Variants in CIZ1 observed in about 807,000 individuals in gnomAD.
CIZ1 encodes the protein CDKN1A interacting zinc finger protein 1.
Under a neutral mutation model 118.6 loss-of-function variants are expected in CIZ1, and 58 were observed. The ratio of observed to expected loss-of-function variants is 0.49; its 90% CI spans 0.40 to 0.61. The LOEUF is 0.61. CIZ1 is among the 20% of genes least tolerant of loss of function. The probability of loss-of-function intolerance (pLI) is 0.00; values close to 1 mark genes in which losing one functional copy is unlikely to be tolerated. For synonymous variants in CIZ1, 448 were observed against 443.4 expected, an observed-to-expected ratio of 1.01 and a Z score of -0.13; for missense variants, 921 against 1,115.9, an observed-to-expected ratio of 0.83 and a Z score of 2.49.
chr9:128,177,542 C>CAAAA, intron 10 of CIZ1, 24 bp downstream of exon 10: 1 of 1,229,498 alleles, frequency 8.1e-7, no homozygotes, highest in Non-Finnish European at 1.1e-6. Context: ...CACCCCTCCC[C>CAAAA]ACCCTTATCT....
In CIZ1 at chr9:128,173,922, C is replaced by T. The variant is rs1265718749; in HGVS notation, c.1943+2429G>A. On this transcript the variant is annotated intron_variant, in intron 11 of 16. Transcript: ENST00000372938. ...TCGGGAGGCGGAGGCAGGAGAATGG[C>T]GTGAACCCAGGAGGCGGAGCTTGCA... is the stretch of plus-strand genomic sequence containing the variant. Among the ~76,000 whole-genome samples, 8 of 152,054 alleles carry T rather than the reference C, an allele frequency of 5.3e-5. No individual in the cohort carries two copies. The South Asian group carries it at 8.3e-4, about 16-fold the overall frequency.
Position 128,178,377 on chromosome 9 carries a change from T to C in CIZ1, c.1612A>G (p.Met538Val), listed in dbSNP as rs1831137660. The C allele has an allele frequency of 6.2e-7, 1 of 1,612,986 alleles. No individual in the cohort carries two copies. The highest frequency in any genetic ancestry group is 1.3e-5 in the African/African-American group (1 of 75,010). Residue 538 changes from methionine to valine, a missense_variant, in exon 9 of 17, where the codon ATG (methionine) becomes GTG (valine). Physicochemically the swap from Met to Val is conservative, Grantham distance 21 (BLOSUM62 1). Coordinates refer to ENST00000372938, the MANE Select transcript of CIZ1 (RefSeq NM_001131016.2). ...TCAGGGCCTCTACCCACCCCTGGCATCTCTCTCGCTCTGTTTTCACATTCT... is the reference window on the plus strand; with the variant it reads ...TCAGGGCCTCTACCCACCCCTGGCACCTCTCTCGCTCTGTTTTCACATTCT... ...VGECENRARE[M>V]PGVWGAGGSL...
chr9:128,184,482 A>G (rs1832092078), intron 5 of CIZ1, among the ~76,000 whole-genome samples: 1 of 141,210 alleles, frequency 7.1e-6, no homozygotes, highest in Non-Finnish European at 1.5e-5. Context: ...TCTACTGGGC[A>G]GTGCTGATTT....
At position 128,190,734 on chromosome 9, in the gene CIZ1, G is replaced by A; in HGVS notation, c.124C>T (p.Leu42Phe). ...QQQLLQLQQL[L>F]QQSPPQAPLP... ...GGGGCCTGTGGTGGGGACTGCTGGA[G>A]CAGCTGCTGGAGCTGCAGTAACTGC... is the stretch of plus-strand genomic sequence containing the variant. The change falls in exon 2 of 17, where the codon CTC (leucine) becomes TTC (phenylalanine). Residue 42 changes from leucine (L) to phenylalanine (F), a missense_variant. By Grantham distance (22) the Leu-to-Phe change is conservative. Coordinates refer to ENST00000372938, the MANE Select transcript of CIZ1 (RefSeq NM_001131016.2). 6.5e-7 allele frequency: 1 copy of A among 1,549,788 alleles called. No individual in the cohort carries two copies. Among genetic ancestry groups the A allele is most frequent in the South Asian group, 1.2e-5 (1 of 84,278 alleles).
At chr9:128,191,582 C>A (rs940411732), upstream of CIZ1, 14 of 1,142,116 alleles carry the variant, frequency 1.2e-5, no homozygotes, top group Non-Finnish European at 1.4e-5. The surrounding 1 kb of genome is among the most constrained non-coding windows in gnomAD (Gnocchi z 5.5). Flanking sequence ...GGCCCAAATG[C>A]GGGCGGGGCC....
upstream of CIZ1, among the ~76,000 whole-genome samples, chr9:128,192,431 C>T (rs897748970): frequency 1.1e-4 from 17 of 152,104 alleles, no homozygotes; most frequent in Non-Finnish European, 2.2e-4. Flanking sequence ...CTCCCTTATC[C>T]TGCACCTAAA....
chr9:128,180,778 A>C lies in CIZ1; in HGVS notation c.625T>G (p.Ser209Ala). The change falls in exon 6 of 17, where the codon TCA becomes GCA. Residue 209 changes from serine (S) to alanine (A), a missense_variant. Transcript: ENST00000372938. ...SSQTMPVEDK[S>A]DPPEGSEEAA... is the part of the protein sequence containing the mutation. ...TCCTCAGACCCCTCTGGGGGGTCTG[A>C]CTTGTCTTCCACAGGCATTGTCTGA... The C allele has an allele frequency of 6.2e-7, 1 of 1,611,866 alleles. No homozygotes were observed. The highest frequency in any genetic ancestry group is 8.5e-7 in the Non-Finnish European group (1 of 1,179,516).
chr9:128,166,548 G>T lies in CIZ1; in HGVS notation c.2488-142C>A. ...GTGATGCACTCGGCCTCTCTGGGCC[G>T]TCTCTGGAGCTAACAGCCTGGCACT... On this transcript the variant is annotated intron_variant, in intron 16 of 16. Transcript: ENST00000372938. This position sits in a 1 kb window ranked among gnomAD's most constrained non-coding sequence, Gnocchi z 4.4. 1.1e-6 allele frequency: 1 copy of T among 938,626 alleles called. No homozygotes were observed. Among genetic ancestry groups the T allele is most frequent in the Non-Finnish European group, 1.6e-6 (1 of 632,260 alleles). 58.1% of individuals were successfully genotyped at this position (938,626 alleles called of 1,614,324 possible).
chr9:128,168,430 C>T (rs1174386820), intron 14 of CIZ1, among the ~76,000 whole-genome samples: 2 of 151,406 alleles, frequency 1.3e-5, no homozygotes, highest in East Asian at 1.9e-4. Flanking sequence ...GCATGAGAAT[C>T]GCATGAACCC....
chr9:128,201,532 C>A (rs1232103689), intron 1 of CIZ1, among the ~76,000 whole-genome samples: 2 of 152,216 alleles, frequency 1.3e-5, no homozygotes, highest in East Asian at 3.8e-4. Flanking sequence ...ATAAACTGCA[C>A]CCCCTCCTGG....
intron 2 of CIZ1, 57 bp downstream of exon 2, chr9:128,190,631 C>G: frequency 1.3e-6 from 2 of 1,525,704 alleles, no homozygotes; most frequent in Non-Finnish European, 8.8e-7. Flanking sequence ...TCGGGAGCTC[C>G]GAGACATGGG....
Position 128,185,603 on chromosome 9 carries a change from C to T in CIZ1, c.532G>A (p.Gly178Arg), listed in dbSNP as rs1379331602. 1 of 1,540,162 alleles carries T rather than the reference C, an allele frequency of 6.5e-7. No homozygotes were observed. Among genetic ancestry groups the T allele is most frequent in the East Asian group, 2.3e-5 (1 of 43,798 alleles). ...CGGGCCTGTTTCTGGGGGTTCCGTC[C>T]TGAAAGGTTGAACTGGGAAGGGTTC... ...PMNPSQFNLS[G>R]RNPQKQARTS... Residue 178 changes from glycine to arginine, a missense_variant, in exon 5 of 17, where the codon GGA becomes AGA. By Grantham distance (125) the Gly-to-Arg change is moderately radical. Transcript: ENST00000372938.
intron 1 of CIZ1, chr9:128,202,880 C>A (rs1466282414): frequency 6.6e-6 from 1 of 152,120 alleles, no homozygotes; most frequent in Non-Finnish European, 1.5e-5. Context: ...CTAGCAGGTA[C>A]CTAGTAAATA....
chr9:128,174,806 G>A (rs1226325334), intron 11 of CIZ1, among the ~76,000 whole-genome samples: 2 of 152,118 alleles, frequency 1.3e-5, no homozygotes, highest in Admixed American at 1.3e-4. Context: ...TCACAGGCAT[G>A]CACCACCATG....
chr9:128,173,391 C>T (rs540812994), intron 11 of CIZ1, among the ~76,000 whole-genome samples: 23 of 151,794 alleles, frequency 1.5e-4, no homozygotes, highest in Non-Finnish European at 1.8e-4. Context: ...ATGATCCACC[C>T]GCCTCAGCCT....
At chr9:128,168,734 A>G in intron 14 of CIZ1, 1 of 342,702 alleles carries the variant, frequency 2.9e-6, no homozygotes, top group Non-Finnish European at 5.6e-6. Context: ...CAGTCTCTCC[A>G]TTATCATCAC....
chr9:128,195,359 C>T (rs1161703206), upstream of CIZ1, among the ~76,000 whole-genome samples: 1 of 152,192 alleles, frequency 6.6e-6, no homozygotes, highest in African/African-American at 2.4e-5. Flanking sequence ...GTTCTGTCAT[C>T]CACGCTGGAG....
intron 5 of CIZ1, among the ~76,000 whole-genome samples, chr9:128,182,271 C>G (rs912651306): frequency 6.6e-6 from 1 of 152,164 alleles, no homozygotes; most frequent in African/African-American, 2.4e-5. Context: ...TTTCTCTTAT[C>G]TCTGTCTTGT....
intron 5 of CIZ1, among the ~76,000 whole-genome samples, chr9:128,181,410 A>G (rs1322239183): frequency 1.3e-5 from 2 of 152,248 alleles, no homozygotes; most frequent in African/African-American, 4.8e-5. Context: ...TAAAATATAA[A>G]ACAAGAATTG....
Sources: allele counts gnomAD v4.1 joint callset (sites outside exome capture counted in the v4.1 genomes callset), GRCh38; gene constraint gnomAD v4.1.1; non-coding constraint Gnocchi (gnomAD v3.1); transcripts MANE v1.5; gene names NCBI Gene and HGNC (gene_info 2026-07-23, HGNC 2026-07-21).